Variants in R3HDM2 observed in about 807,000 individuals in gnomAD.
The protein encoded by R3HDM2 is R3H domain-containing protein 2.
Under a neutral mutation model 124.5 loss-of-function variants are expected in R3HDM2, and 38 were observed. The observed-to-expected ratio is 0.31, with a 90% CI of 0.24 to 0.40. The LOEUF is 0.40. R3HDM2 is among the 10% of genes least tolerant of loss of function. The pLI, the probability that R3HDM2 is intolerant of heterozygous loss-of-function variation, is 1.00. For missense variants in R3HDM2, 869 were observed against 1,236.9 expected (o/e 0.70, Z 4.46); for synonymous variants, 391 against 448.0 (o/e 0.87, Z 1.61).
intron 2 of R3HDM2, among the ~76,000 whole-genome samples, chr12:57,374,683 TAAAAAAAAAAAAAAA>T (rs56197858): frequency 1.4e-3 from 40 of 28,092 alleles, no homozygotes; most frequent in Admixed American, 6.8e-3. Flanking sequence ...AATTCTATCT[TAAAAAAAAAAAAAAA>T]AAAAAAAAAA....
At chr12:57,367,248 T>C (rs892334092) in intron 2 of R3HDM2, among the ~76,000 whole-genome samples, 2 of 152,208 alleles carry the variant, frequency 1.3e-5, no homozygotes, top group African/African-American at 4.8e-5. Flanking sequence ...CCTTGAGTAG[T>C]TTCCTCATAC....
rs547903373 is a variant in R3HDM2, at chr12:57,312,722, T to C, written c.-35-2259A>G. Among the ~76,000 whole-genome samples the C allele has an allele frequency of 1.3e-4, 20 of 152,116 alleles. No homozygotes were observed. The East Asian group carries it at 3.7e-3, about 28-fold the overall frequency. ...AATGTCTCTACTAAAAATACAAAAATTAGCCTGACGTGGTGGTAAGCCATT... is the reference window on the plus strand; with the variant it reads ...AATGTCTCTACTAAAAATACAAAAACTAGCCTGACGTGGTGGTAAGCCATT... On this transcript the variant is annotated intron_variant, in intron 2 of 23. Coordinates refer to ENST00000402412, the MANE Select transcript of R3HDM2 (RefSeq NM_001394031.1).
intron 1 of R3HDM2, among the ~76,000 whole-genome samples, chr12:57,402,363 T>C (rs1469893015): frequency 6.6e-6 from 1 of 152,078 alleles, no homozygotes; most frequent in Non-Finnish European, 1.5e-5. Context: ...GGAAATGTTT[T>C]TGGAGATAAG....
chr12:57,260,879 A>G (rs1417742361), intron 19 of R3HDM2, among the ~76,000 whole-genome samples: 1 of 152,090 alleles, frequency 6.6e-6, no homozygotes, highest in African/African-American at 2.4e-5. Context: ...AAAAGAAAGG[A>G]AAAGAAATGG....
rs35579430 is a variant in R3HDM2, at chr12:57,424,114, CAAAAAA to C, written c.-106+6600_-106+6605del. On this transcript the variant is annotated intron_variant, in intron 1 of 23. Coordinates refer to ENST00000402412, the MANE Select transcript of R3HDM2 (RefSeq NM_001394031.1). Reference sequence around the variant, plus strand: ...GGGCAACAAGAGCAAAACTCTGTCTCAAAAAAAAAAAAAAAAAAAAAAAAAGGAACA... The same window carrying C: ...GGGCAACAAGAGCAAAACTCTGTCTCAAAAAAAAAAAAAAAAAAAGGAACA... Among the ~76,000 whole-genome samples the C allele has an allele frequency of 8.0e-4, 51 of 63,876 alleles. 1 individual carries two copies. The highest frequency in any genetic ancestry group is 2.5e-3 in the African/African-American group (40 of 15,916). The allele number at this position is 63,876 out of a possible 152,430, so 41.9% of individuals were successfully genotyped here.
chr12:57,269,206 G>T (rs2043087506), intron 16 of R3HDM2, 117 bp downstream of exon 16: 1 of 1,545,054 alleles, frequency 6.5e-7, no homozygotes, highest in South Asian at 1.2e-5. Context: ...CTGTTCTTAG[G>T]ACCCTAATCA....
chr12:57,259,563 G>A (rs2040127002), intron 19 of R3HDM2, among the ~76,000 whole-genome samples: 1 of 152,286 alleles, frequency 6.6e-6, no homozygotes, highest in Middle Eastern at 3.4e-3. Flanking sequence ...CCAAGAATGG[G>A]GTAAGCTGGG....
Position 57,343,572 on chromosome 12 carries a change from T to C in R3HDM2, c.-35-33109A>G, listed in dbSNP as rs538024317. On this transcript the variant is annotated intron_variant, in intron 2 of 23. Coordinates refer to ENST00000402412, the MANE Select transcript of R3HDM2 (RefSeq NM_001394031.1). ...AGTAATGAACATTACAGGCAGTGCA[T>C]GATCTGCAACAGCAAAAAATAATGT... is the stretch of plus-strand genomic sequence containing the variant. Among the ~76,000 whole-genome samples the C allele has an allele frequency of 2.0e-5, 3 of 152,056 alleles. No individual in the cohort carries two copies. In the South Asian group the frequency reaches 6.2e-4, roughly 32 times the overall value.
At chr12:57,269,496 C>T (rs528786633) in intron 15 of R3HDM2, 47 bp from the exon 16 acceptor site, 120 of 1,604,288 alleles carry the variant, frequency 7.5e-5, no homozygotes, top group South Asian at 3.7e-4. Context: ...AAAATTCAGC[C>T]GCAACATCAG....
intron 1 of R3HDM2, among the ~76,000 whole-genome samples, chr12:57,412,785 C>A (rs910534066): frequency 3.3e-5 from 5 of 152,102 alleles, no homozygotes; most frequent in African/African-American, 4.8e-5. Context: ...GCGGGCAGAT[C>A]ACAAGGTCAG....
rs185170201 is a variant in R3HDM2, at chr12:57,359,082, T to C, written c.-36+36667A>G. ...ACAGGCGCCCATCACCACGCCCATC[T>C]AATTTTTGTATTTTTAGTAGAGGCG... On this transcript the variant is annotated intron_variant, in intron 2 of 23. Coordinates refer to ENST00000402412, the MANE Select transcript of R3HDM2 (RefSeq NM_001394031.1). 7.2e-5 allele frequency among the ~76,000 whole-genome samples: 11 copies of C among 152,200 alleles called. No individual in the cohort carries two copies. In the East Asian group the frequency reaches 1.9e-3, roughly 27 times the overall value.
chr12:57,349,362 G>C (rs1369927152), intron 2 of R3HDM2, among the ~76,000 whole-genome samples: 1 of 108,972 alleles, frequency 9.2e-6, no homozygotes, highest in Non-Finnish European at 1.7e-5. Context: ...CCTGCCGACA[G>C]AGCGAGACTC....
intron 2 of R3HDM2, among the ~76,000 whole-genome samples, chr12:57,368,388 T>G (rs2062910230): frequency 6.6e-6 from 1 of 152,190 alleles, no homozygotes; most frequent in Admixed American, 6.6e-5. Flanking sequence ...CATTTGCCCT[T>G]AGCTCTTAGG....
At chr12:57,304,738 T>C (rs1593004017) in intron 3 of R3HDM2, among the ~76,000 whole-genome samples, 1 of 152,326 alleles carries the variant, frequency 6.6e-6, no homozygotes, top group Non-Finnish European at 1.5e-5. Flanking sequence ...TGGGGATATA[T>C]ATAGAACAGT....
At chr12:57,281,433 G>A (rs1420646987) in intron 13 of R3HDM2, among the ~76,000 whole-genome samples, 1 of 151,974 alleles carries the variant, frequency 6.6e-6, no homozygotes, top group Non-Finnish European at 1.5e-5. Flanking sequence ...ACTGTATAAT[G>A]AACTAAAGAC....
At chr12:57,286,114 C>T (rs2047272006) in intron 12 of R3HDM2, among the ~76,000 whole-genome samples, 1 of 152,082 alleles carries the variant, frequency 6.6e-6, no homozygotes, top group Non-Finnish European at 1.5e-5. Flanking sequence ...AGCACTGGAT[C>T]GGGTTGTGTG....
chr12:57,374,683 TAA>T (rs56197858), intron 2 of R3HDM2, among the ~76,000 whole-genome samples: 5 of 28,088 alleles, frequency 1.8e-4, no homozygotes, highest in African/African-American at 6.4e-4. Flanking sequence ...AATTCTATCT[TAA>T]AAAAAAAAAA....
chr12:57,284,155 T>C, intron 12 of R3HDM2, 99 bp from the exon 13 acceptor site: 1 of 1,137,670 alleles, frequency 8.8e-7, no homozygotes, highest in Non-Finnish European at 1.3e-6. Flanking sequence ...AAAGAATGGG[T>C]AAGAATTAAA....
chr12:57,331,730 C>T (rs1385358057), intron 2 of R3HDM2, among the ~76,000 whole-genome samples: 1 of 151,824 alleles, frequency 6.6e-6, no homozygotes, highest in Non-Finnish European at 1.5e-5. Flanking sequence ...CTGGCTAACA[C>T]GGTGAAACCC....
Sources: allele counts gnomAD v4.1 joint callset (sites outside exome capture counted in the v4.1 genomes callset), GRCh38; gene constraint gnomAD v4.1.1; transcripts MANE v1.5; gene names NCBI Gene and HGNC (gene_info 2026-07-23, HGNC 2026-07-21).